Variants in CCT4 observed in about 807,000 individuals in gnomAD.
CCT4 encodes chaperonin containing TCP1 subunit 4, also known as T-complex protein 1 subunit delta.
A neutral mutation model predicts 62.5 loss-of-function variants in CCT4; 17 were observed. The ratio of observed to expected loss-of-function variants is 0.27; its 90% confidence interval spans 0.19 to 0.41. CCT4 has a LOEUF of 0.41. CCT4 is among the 10% of genes least tolerant of loss of function. The pLI is 1.00. For synonymous variants in CCT4, 250 were observed against 229.9 expected (o/e 1.09, Z -0.79); for missense variants, 592 against 659.2 (o/e 0.90, Z 1.12).
chr2:61,883,773 G>GACAGACACACACACACACAC (rs1216181852), intron 2 of CCT4, among the ~76,000 whole-genome samples: 2 of 143,940 alleles, frequency 1.4e-5, no homozygotes, highest in East Asian at 4.2e-4. Flanking sequence ...AAGAAATGTA[G>GACAGACACACACACACACAC]ACACACACAC....
rs570018070 is a variant in CCT4 at position 61,871,318 on chromosome 2, G to A, written c.1491+764C>T. On this transcript the variant is annotated intron_variant, in intron 12 of 13. Transcript: ENST00000394440. The stretch of plus-strand genomic sequence containing the variant: ...CTCCCAAACAGCTGGGATTACAGGC[G>A]TGAGCCACCACGTCAGGCCTATTAA... 5.9e-5 allele frequency among the ~76,000 whole-genome samples: 9 copies of A among 152,156 alleles called. No homozygotes were observed. In the East Asian group the frequency reaches 1.2e-3, roughly 20 times the overall value.
intron 2 of CCT4, among the ~76,000 whole-genome samples, chr2:61,884,168 C>G (rs1669184168): frequency 1.3e-5 from 2 of 152,196 alleles, no homozygotes; most frequent in Non-Finnish European, 2.9e-5. Flanking sequence ...TTCCACTTAA[C>G]TACATAATAG....
chr2:61,872,399 A>G (rs1042770213), intron 11 of CCT4, 59 bp downstream of exon 11: 19 of 1,441,468 alleles, frequency 1.3e-5, no homozygotes, highest in Non-Finnish European at 1.8e-5. Context: ...TCTTTAAAAA[A>G]TAGAATATAA....
At chr2:61,876,888 C>T in intron 7 of CCT4, 32 bp downstream of exon 7, 1 of 1,567,078 alleles carries the variant, frequency 6.4e-7, no homozygotes, top group Non-Finnish European at 8.6e-7. Context: ...AAGTTAAACA[C>T]AGAGAACCAA....
At chr2:61,881,914 G>C (rs1416019702) in intron 3 of CCT4, among the ~76,000 whole-genome samples, 1 of 149,900 alleles carries the variant, frequency 6.7e-6, no homozygotes, top group Non-Finnish European at 1.5e-5. Context: ...ACAACTCAGA[G>C]GGATTTTTTT....
rs144280793 is a variant in CCT4, at chr2:61,868,990, C to G, written c.1606-284G>C. On this transcript the variant is annotated intron_variant, in intron 13 of 13. Transcript: ENST00000394440. ...TCTCTACTAAAAATACAAAAATTAG[C>G]TGGGTGTGGTGGCACATGCCTGTAA... 2,128 of 363,778 alleles carry G rather than the reference C, an allele frequency of 5.8e-3. 29 individuals are homozygous for G. Among genetic ancestry groups the G allele is most frequent in the African/African-American group, 0.04 (1,899 of 47,900 alleles). 22.5% of individuals were successfully genotyped at this position (363,778 alleles called of 1,614,324 possible).
chr2:61,886,971 C>G (rs1669267899), intron 1 of CCT4, among the ~76,000 whole-genome samples: 1 of 152,100 alleles, frequency 6.6e-6, no homozygotes, highest in Non-Finnish European at 1.5e-5. Context: ...GTTGGTCAGG[C>G]TGGTCTTGAA....
At chr2:61,879,124 AT>A in intron 4 of CCT4, 113 bp from the exon 5 acceptor site, 1 of 708,720 alleles carries the variant, frequency 1.4e-6, no homozygotes, top group Non-Finnish European at 2.3e-6. Flanking sequence ...ACTATTCTTA[AT>A]TACAAACTTA....
intron 6 of CCT4, 83 bp from the exon 7 acceptor site, chr2:61,877,135 T>A (rs1669018322): frequency 8.0e-6 from 10 of 1,250,036 alleles, no homozygotes; most frequent in Non-Finnish European, 1.1e-5. Flanking sequence ...TTAAAAGTCA[T>A]CAGTCCAATA....
chr2:61,887,619 A>T (rs1264760600), intron 1 of CCT4, among the ~76,000 whole-genome samples: 1 of 152,200 alleles, frequency 6.6e-6, no homozygotes, highest in Non-Finnish European at 1.5e-5. Context: ...GATTTCTCTT[A>T]ATCTTAACTC....
chr2:61,872,703 G>A, intron 10 of CCT4, 115 bp from the exon 11 acceptor site: 1 of 986,068 alleles, frequency 1.0e-6, no homozygotes, highest in Non-Finnish European at 1.5e-6. Context: ...TGAGGCGGGT[G>A]GCTAACGAGG....
At chr2:61,870,673 C>T (rs1014398808) in intron 12 of CCT4, among the ~76,000 whole-genome samples, 15 of 152,200 alleles carry the variant, frequency 9.9e-5, no homozygotes, top group Non-Finnish European at 1.9e-4. Context: ...AATCCTAGCA[C>T]TTTGGAAGGC....
At chr2:61,883,652 T>C in intron 2 of CCT4, 104 bp from the exon 3 acceptor site, 1 of 659,086 alleles carries the variant, frequency 1.5e-6, no homozygotes, top group Non-Finnish European at 2.6e-6. Flanking sequence ...TGCAAAGTAC[T>C]TAATTTTAAA....
rs777789725 is a variant in CCT4 at position 61,868,236 on chromosome 2, C to T, written c.*456G>A. 3 of 156,752 alleles carry T rather than the reference C, an allele frequency of 1.9e-5. No individual in the cohort carries two copies. Among genetic ancestry groups the T allele is most frequent in the Non-Finnish European group, 2.8e-5 (2 of 70,978 alleles). 9.7% of individuals were successfully genotyped at this position (156,752 alleles called of 1,614,324 possible). ...GAGGCTTTCATTTTTCATTCTCTTT[C>T]TGTACCATTAACTTATTTTTGTTTT... On this transcript the variant is annotated 3_prime_UTR_variant, in exon 14 of 14. Transcript: ENST00000394440.
At chr2:61,877,108 T>C in intron 6 of CCT4, 56 bp from the exon 7 acceptor site, 1 of 1,467,520 alleles carries the variant, frequency 6.8e-7, no homozygotes, top group East Asian at 2.3e-5. Context: ...CATCTGTACG[T>C]TTAATAGATG....
intron 3 of CCT4, among the ~76,000 whole-genome samples, chr2:61,880,914 G>A (rs369717195): frequency 1.5e-4 from 23 of 152,004 alleles, no homozygotes; most frequent in African/African-American, 5.3e-4. Flanking sequence ...TTTTAGAGAC[G>A]GGGCCCCATT....
intron 8 of CCT4, among the ~76,000 whole-genome samples, chr2:61,875,180 T>A: frequency 6.7e-6 from 1 of 150,352 alleles, no homozygotes. Flanking sequence ...TATCAAAACA[T>A]AATAATGCTT....
In CCT4 at chr2:61,873,394, A is replaced by C. The variant is rs1668926348; in HGVS notation, c.918-101T>G. On this transcript the variant is annotated intron_variant, in intron 8 of 13. Coordinates refer to ENST00000394440, the MANE Select transcript of CCT4 (RefSeq NM_006430.4). ...ATTACTGTTTCTTAAATGGCCAATC[A>C]TTATTTCTGAAGAAAAATGCTTTAG... The C allele has an allele frequency of 1.6e-5, 10 of 611,924 alleles. No individual in the cohort carries two copies. In the Admixed American group the frequency reaches 3.0e-4, roughly 18 times the overall value. 37.9% of individuals were successfully genotyped at this position (611,924 alleles called of 1,614,324 possible).
intron 8 of CCT4, among the ~76,000 whole-genome samples, chr2:61,873,668 C>T (rs1490380634): frequency 1.3e-5 from 2 of 152,096 alleles, no homozygotes; most frequent in African/African-American, 4.8e-5. Flanking sequence ...TGGGTTCAAG[C>T]GATTCTCCTG....
Sources: allele counts gnomAD v4.1 joint callset (sites outside exome capture counted in the v4.1 genomes callset), GRCh38; gene constraint gnomAD v4.1.1; transcripts MANE v1.5; gene names NCBI Gene and HGNC (gene_info 2026-07-23, HGNC 2026-07-21).